ATP6V1A: variants seen among roughly 807,000 people sequenced by gnomAD.
ATP6V1A encodes ATPase H+ transporting V1 subunit A, also known as V-type proton ATPase catalytic subunit A.
In ATP6V1A, 18 loss-of-function variants were observed where a neutral mutation model predicts 70.1. The ratio of observed to expected loss-of-function variants is 0.26; its 90% confidence interval spans 0.18 to 0.38. The LOEUF is 0.38. Among genes scored for constraint, ATP6V1A ranks in the 10% least tolerant of loss-of-function variants. ATP6V1A has a pLI of 1.00. For synonymous variants in ATP6V1A, 232 were observed against 253.8 expected (o/e 0.91, Z 0.82); for missense variants, 424 against 772.4 (o/e 0.55, Z 5.35).
At chr3:113,765,015 A>AG (rs397946827) in intron 1 of ATP6V1A, among the ~76,000 whole-genome samples, 1 of 151,236 alleles carries the variant, frequency 6.6e-6, no homozygotes. Context: ...AAAAAAAAAA[A>AG]GCAGGAATTT....
In ATP6V1A at chr3:113,809,320, A is replaced by G; in HGVS notation, c.1762-15A>G. On this transcript the variant is annotated splice_polypyrimidine_tract_variant and intron_variant, in intron 14 of 14. Coordinates refer to ENST00000273398, the MANE Select transcript of ATP6V1A (RefSeq NM_001690.4). ...TTTTCCAAATGCGAGTTGAATTTGTAATGTCTTCTTTCAGGATCCACTGAA... is the reference window on the plus strand; with the variant it reads ...TTTTCCAAATGCGAGTTGAATTTGTGATGTCTTCTTTCAGGATCCACTGAA... 1 of 1,600,602 alleles carries G rather than the reference A, an allele frequency of 6.2e-7. No homozygotes were observed. The highest frequency in any genetic ancestry group is 8.5e-7 in the Non-Finnish European group (1 of 1,172,912).
intron 8 of ATP6V1A, among the ~76,000 whole-genome samples, chr3:113,791,854 G>A (rs1430939282): frequency 1.4e-5 from 2 of 147,182 alleles, no homozygotes; most frequent in Non-Finnish European, 3.0e-5. Context: ...TTTTTGCAGT[G>A]TTCCAAACAA....
chr3:113,795,216 C>T lies in ATP6V1A; in HGVS notation c.1226+12C>T, dbSNP rs765758666. 4 of 1,608,006 alleles carry T rather than the reference C, an allele frequency of 2.5e-6. No homozygotes were observed. The highest frequency in any genetic ancestry group is 3.4e-6 in the Non-Finnish European group (4 of 1,177,970). ...AGCATTGTAGGAGCGTAAGCACCCA[C>T]ACTATTTACTTTGCAAAAGGAAAAA... On this transcript the variant is annotated intron_variant, in intron 10 of 14. Coordinates refer to ENST00000273398, the MANE Select transcript of ATP6V1A (RefSeq NM_001690.4).
At chr3:113,751,586 G>A (rs1446563566) in intron 1 of ATP6V1A, among the ~76,000 whole-genome samples, 2 of 151,790 alleles carry the variant, frequency 1.3e-5, no homozygotes, top group South Asian at 2.1e-4. Context: ...AATTTCTGAA[G>A]AGAATATTAG....
intron 1 of ATP6V1A, among the ~76,000 whole-genome samples, chr3:113,769,691 A>G (rs1708812167): frequency 6.6e-6 from 1 of 152,104 alleles, no homozygotes; most frequent in African/African-American, 2.4e-5. Flanking sequence ...CTCTGGTGTT[A>G]TTTGCCACTG....
chr3:113,780,658 GC>G, intron 2 of ATP6V1A: 2 of 903,752 alleles, frequency 2.2e-6, no homozygotes, highest in Middle Eastern at 2.6e-4. Flanking sequence ...TAATTGTGTG[GC>G]ATTCTACCAT....
chr3:113,786,416 C>CG, intron 6 of ATP6V1A, 33 bp downstream of exon 6: 1 of 1,608,418 alleles, frequency 6.2e-7, no homozygotes, highest in East Asian at 2.2e-5. Flanking sequence ...GATTTTCCCT[C>CG]AGAGTTATTA....
rs1709342001 is a variant in ATP6V1A, at chr3:113,811,587, G to A, written c.*2160G>A. On this transcript the variant is annotated 3_prime_UTR_variant, in exon 15 of 15. Transcript: ENST00000273398. ...AGCAATGAATGGTATGATGAAGAAA[G>A]TTTGACCAAATTTGTTTTTTTGTTG... The A allele has an allele frequency of 6.6e-6, 1 of 152,558 alleles. No homozygotes were observed. The highest frequency in any genetic ancestry group is 6.5e-5 in the Admixed American group (1 of 15,272). The allele number at this position is 152,558 out of a possible 1,614,324, so 9.5% of individuals were successfully genotyped here.
At chr3:113,808,324 A>C (rs1709302333) in intron 14 of ATP6V1A, among the ~76,000 whole-genome samples, 1 of 112,180 alleles carries the variant, frequency 8.9e-6, no homozygotes, top group Non-Finnish European at 1.7e-5. Flanking sequence ...ACAGAGTGTC[A>C]CTCTGTCACT....
intron 1 of ATP6V1A, among the ~76,000 whole-genome samples, chr3:113,773,018 G>A (rs948956854): frequency 3.6e-5 from 5 of 138,326 alleles, no homozygotes; most frequent in South Asian, 4.7e-4. Flanking sequence ...GTTCACTGCA[G>A]TCTCTGCCTC....
chr3:113,754,805 A>G (rs1448707114), intron 1 of ATP6V1A, among the ~76,000 whole-genome samples: 1 of 152,218 alleles, frequency 6.6e-6, no homozygotes, highest in East Asian at 1.9e-4. Context: ...TTAAACAAGA[A>G]CTTCTTTAAA....
At chr3:113,764,049 G>A (rs1202617190) in intron 1 of ATP6V1A, among the ~76,000 whole-genome samples, 3 of 152,092 alleles carry the variant, frequency 2.0e-5, no homozygotes, top group Non-Finnish European at 4.4e-5. Flanking sequence ...AGAGCAGCCT[G>A]GGTAACAGAA....
intron 12 of ATP6V1A, 75 bp from the exon 13 acceptor site, chr3:113,803,508 C>T (rs981795431): frequency 1.2e-5 from 13 of 1,087,900 alleles, no homozygotes; most frequent in Non-Finnish European, 1.8e-5. Context: ...ATAATAGTTT[C>T]TGCTTGTTAA....
intron 1 of ATP6V1A, among the ~76,000 whole-genome samples, chr3:113,761,890 C>T (rs1226813383): frequency 7.9e-6 from 1 of 126,520 alleles, no homozygotes; most frequent in Non-Finnish European, 1.7e-5. Flanking sequence ...CAGCAGCTCA[C>T]GCCTGTAATC....
intron 6 of ATP6V1A, 64 bp from the exon 7 acceptor site, chr3:113,788,649 C>T (rs1240907358): frequency 2.0e-6 from 3 of 1,530,930 alleles, no homozygotes; most frequent in Admixed American, 1.9e-5. Flanking sequence ...GCGCCCGGCC[C>T]CTACTTTATT....
chr3:113,754,101 A>T (rs1708620483), intron 1 of ATP6V1A, among the ~76,000 whole-genome samples: 1 of 152,248 alleles, frequency 6.6e-6, no homozygotes, highest in Admixed American at 6.5e-5. Context: ...ATATAAAACT[A>T]CATGTTTGTA....
At chr3:113,766,491 C>T (rs945596405) in intron 1 of ATP6V1A, among the ~76,000 whole-genome samples, 5 of 152,118 alleles carry the variant, frequency 3.3e-5, no homozygotes, top group Non-Finnish European at 7.4e-5. Flanking sequence ...GACAAGGTCT[C>T]ACTATGTTAC....
intron 6 of ATP6V1A, 126 bp downstream of exon 6, chr3:113,786,509 G>A: frequency 1.0e-6 from 1 of 952,504 alleles, no homozygotes; most frequent in Non-Finnish European, 1.4e-6. Context: ...GAGTAATAAT[G>A]GTGAATTAAA....
At chr3:113,780,711 GTTTT>G in intron 2 of ATP6V1A, 1 of 1,278,108 alleles carries the variant, frequency 7.8e-7, no homozygotes, top group Non-Finnish European at 1.0e-6. Context: ...ACTTTTAAAA[GTTTT>G]TTTTATTGTT....
Sources: allele counts gnomAD v4.1 joint callset (sites outside exome capture counted in the v4.1 genomes callset), GRCh38; gene constraint gnomAD v4.1.1; transcripts MANE v1.5; gene names NCBI Gene and HGNC (gene_info 2026-07-23, HGNC 2026-07-21).